SBF2: variants seen among roughly 807,000 people sequenced by gnomAD.
The protein encoded by SBF2 is SET binding factor 2.
In SBF2, 112 loss-of-function variants were observed where a neutral mutation model predicts 225.2. The observed-to-expected ratio is 0.50, with a 90% confidence interval of 0.43 to 0.58. The LOEUF (loss-of-function observed/expected upper bound fraction) is 0.58, where lower values mean the gene tolerates loss of function less well. Among genes scored for constraint, SBF2 ranks in the 20% least tolerant of loss-of-function variants. The pLI, the probability that SBF2 is intolerant of heterozygous loss-of-function variation, is 0.00. For synonymous variants in SBF2, 763 were observed against 773.3 expected (o/e 0.99, Z 0.22); for missense variants, 1,996 against 2,206.2 (o/e 0.90, Z 1.91).
intron 16 of SBF2, among the ~76,000 whole-genome samples, chr11:9,950,963 G>T (rs1865822528): frequency 6.6e-6 from 1 of 152,196 alleles, no homozygotes; most frequent in Non-Finnish European, 1.5e-5. Flanking sequence ...ATTATATGTG[G>T]TTAAGTGCTA....
chr11:9,911,183 T>C (rs565097425), intron 16 of SBF2, among the ~76,000 whole-genome samples: 17 of 151,656 alleles, frequency 1.1e-4, no homozygotes, highest in African/African-American at 1.7e-4. Context: ...CTGGCCAAGA[T>C]TGGTGAAACC....
chr11:9,808,816 A>G, intron 31 of SBF2, 85 bp downstream of exon 31: 1 of 993,488 alleles, frequency 1.0e-6, no homozygotes, highest in South Asian at 1.4e-5. Context: ...ATTAGTCATT[A>G]TACAAAAGAG....
intron 2 of SBF2, among the ~76,000 whole-genome samples, chr11:10,078,915 A>G (rs1257172049): frequency 6.6e-6 from 1 of 152,182 alleles, no homozygotes; most frequent in East Asian, 1.9e-4. Flanking sequence ...TATGACTGCA[A>G]CTAGCATTTA....
intron 13 of SBF2, among the ~76,000 whole-genome samples, chr11:9,976,972 G>A (rs889168734): frequency 2.0e-5 from 3 of 151,578 alleles, no homozygotes; most frequent in African/African-American, 4.8e-5. Context: ...GGGTTTCACC[G>A]TGGTCTCGAT....
At chr11:9,795,170 T>C (rs1216668974) in intron 33 of SBF2, among the ~76,000 whole-genome samples, 1 of 152,206 alleles carries the variant, frequency 6.6e-6, no homozygotes, top group African/African-American at 2.4e-5. Context: ...AATCTACTCA[T>C]TACAACTATC....
At chr11:9,892,559 T>C (rs926393634) in intron 17 of SBF2, among the ~76,000 whole-genome samples, 2 of 150,600 alleles carry the variant, frequency 1.3e-5, no homozygotes, top group East Asian at 1.9e-4. Flanking sequence ...TATATATATA[T>C]ATATAATTTT....
intron 1 of SBF2, among the ~76,000 whole-genome samples, chr11:10,219,906 ATCT>A (rs1458584476): frequency 6.6e-6 from 1 of 152,110 alleles, no homozygotes; most frequent in Non-Finnish European, 1.5e-5. Context: ...ATTTTCTCAC[ATCT>A]TCTTGTCTTC....
At position 9,890,157 on chromosome 11, in the gene SBF2, G is replaced by A. The variant is rs530476722; in HGVS notation, c.1929+5786C>T. Among the ~76,000 whole-genome samples the A allele has an allele frequency of 3.9e-5, 6 of 152,208 alleles. No individual in the cohort carries two copies. In the South Asian group the frequency reaches 1.0e-3, roughly 26 times the overall value. Reference sequence around the variant, plus strand: ...TGACCTCAGGTGATCCAACTGCCTCGGCCTCCCGAAGTGCTGGGATTACAG... The same window carrying A: ...TGACCTCAGGTGATCCAACTGCCTCAGCCTCCCGAAGTGCTGGGATTACAG... On this transcript the variant is annotated intron_variant, in intron 17 of 39. Coordinates refer to ENST00000256190, the MANE Select transcript of SBF2 (RefSeq NM_030962.4).
intron 1 of SBF2, among the ~76,000 whole-genome samples, chr11:10,286,912 G>C (rs1333421781): frequency 6.6e-6 from 1 of 152,112 alleles, no homozygotes; most frequent in African/African-American, 2.4e-5. Flanking sequence ...ATTTACCCAA[G>C]AGAAATAAAA....
At chr11:9,835,012 T>C (rs1195439906) in intron 26 of SBF2, among the ~76,000 whole-genome samples, 1 of 152,058 alleles carries the variant, frequency 6.6e-6, no homozygotes, top group Non-Finnish European at 1.5e-5. Flanking sequence ...TGGGGCAAAT[T>C]GTGTGAAGCC....
intron 2 of SBF2, among the ~76,000 whole-genome samples, chr11:10,072,834 C>T (rs1950944098): frequency 6.6e-6 from 1 of 150,794 alleles, no homozygotes; most frequent in Admixed American, 6.6e-5. Flanking sequence ...CAGGGTCAAG[C>T]AATCATGATC....
intron 1 of SBF2, among the ~76,000 whole-genome samples, chr11:10,195,954 AC>A (rs370205711): frequency 1.3e-3 from 205 of 152,344 alleles, no homozygotes; most frequent in African/African-American, 4.7e-3. Flanking sequence ...GGTTAATGAA[AC>A]AAATTGCTAG....
intron 2 of SBF2, among the ~76,000 whole-genome samples, chr11:10,172,693 G>A (rs11530492): frequency 0.035 from 5,354 of 151,362 alleles, 294 homozygotes; most frequent in East Asian, 0.17. Flanking sequence ...TTGAGATGGC[G>A]TCTCACTCTG....
At chr11:10,245,361 T>C (rs1250959709) in intron 1 of SBF2, among the ~76,000 whole-genome samples, 2 of 151,216 alleles carry the variant, frequency 1.3e-5, no homozygotes, top group Non-Finnish European at 2.9e-5. Flanking sequence ...TAGTGCACAA[T>C]GACCTTGCCA....
chr11:9,780,571 T>G lies in SBF2; in HGVS notation c.5452-55A>C. ...ATGAAGGGCAGGGCTGTTTTATGGATTTGGGTAAGTGGTAAATCAGTTCCT... is the reference window on the plus strand; with the variant it reads ...ATGAAGGGCAGGGCTGTTTTATGGAGTTGGGTAAGTGGTAAATCAGTTCCT... On this transcript the variant is annotated intron_variant, in intron 39 of 39. Coordinates refer to ENST00000256190, the MANE Select transcript of SBF2 (RefSeq NM_030962.4). The G allele has an allele frequency of 3.5e-6, 5 of 1,443,604 alleles. No homozygotes were observed. In the South Asian group the frequency reaches 5.7e-5, roughly 17 times the overall value. 89.4% of individuals were successfully genotyped at this position (1,443,604 alleles called of 1,614,324 possible).
chr11:10,180,679 A>G (rs550811308), intron 2 of SBF2, among the ~76,000 whole-genome samples: 5 of 151,824 alleles, frequency 3.3e-5, no homozygotes, highest in African/African-American at 1.2e-4. Flanking sequence ...ATCTCTCTCT[A>G]CCTCCTCTTT....
intron 16 of SBF2, among the ~76,000 whole-genome samples, chr11:9,900,047 A>AAAAG (rs1861602155): frequency 6.6e-6 from 1 of 151,132 alleles, no homozygotes; most frequent in Non-Finnish European, 1.5e-5. Context: ...TTTTTTTTAA[A>AAAAG]AAAAAAAAAC....
Position 10,031,060 on chromosome 11 carries a change from T to C in SBF2, c.390A>G (p.Pro130=), listed in dbSNP as rs375360438. Reference sequence around the variant, plus strand: ...ATGTGTTCTTTACCCTAAAAATTTCTGGATAATATAATCTGGATACCAACA... The same window carrying C: ...ATGTGTTCTTTACCCTAAAAATTTCCGGATAATATAATCTGGATACCAACA... ...SLVLVSRLYY[P]EIFRACLGLI... The change falls in exon 4 of 40, where the codon CCA becomes CCG. Residue 130 remains proline, a synonymous_variant. Transcript: ENST00000256190. 6.2e-7 allele frequency: 1 copy of C among 1,612,574 alleles called. No individual in the cohort carries two copies. Among genetic ancestry groups the C allele is most frequent in the Non-Finnish European group, 8.5e-7 (1 of 1,178,858 alleles).
In SBF2 at chr11:9,968,498, T is replaced by C. The variant is rs974457808; in HGVS notation, c.1443A>G (p.Thr481=). ...TATGAACTCGCAAATGGGATCCTTC[T>C]GTTGGCCGTGGAACTTTCTGGAATG... ...HMAFQKVPRP[T]EGSHLRVHIL... The change falls in exon 14 of 40, where the codon ACA becomes ACG. Residue 481 remains threonine, a synonymous_variant. Coordinates refer to ENST00000256190, the MANE Select transcript of SBF2 (RefSeq NM_030962.4). 1 of 1,614,178 alleles carries C rather than the reference T, an allele frequency of 6.2e-7. No homozygotes were observed. The highest frequency in any genetic ancestry group is 8.5e-7 in the Non-Finnish European group (1 of 1,180,022).
Sources: gnomAD v4.1 joint callset for allele counts (sites outside exome capture counted in the v4.1 genomes callset) on GRCh38, gnomAD v4.1.1 for gene constraint, MANE v1.5 for transcripts, NCBI Gene and HGNC (gene_info 2026-07-23, HGNC 2026-07-21) for gene names.